Variants in TRABD2B observed in about 807,000 individuals in gnomAD.
The protein encoded by TRABD2B is TraB domain containing 2B.
TRABD2B carries 14 observed loss-of-function variants against 40.1 expected under a neutral mutation model. That is an observed-to-expected ratio of 0.35 (90% CI 0.23 to 0.55). The LOEUF is 0.55. Ranked by LOEUF, TRABD2B falls within the 20% of genes least tolerant of loss-of-function variation. TRABD2B has a pLI of 0.90. For synonymous variants in TRABD2B, 263 were observed against 277.0 expected (o/e 0.95, Z 0.50); for missense variants, 541 against 648.6 (o/e 0.83, Z 1.80).
At chr1:47,956,256 A>G (rs1166004134) in intron 2 of TRABD2B, among the ~76,000 whole-genome samples, 1 of 152,230 alleles carries the variant, frequency 6.6e-6, no homozygotes, top group Non-Finnish European at 1.5e-5. Context: ...AAGATGGCCA[A>G]ATAGGAACAG....
chr1:47,912,072 T>C (rs1231438455), intron 2 of TRABD2B, among the ~76,000 whole-genome samples: 10 of 152,292 alleles, frequency 6.6e-5, no homozygotes, highest in Non-Finnish European at 1.5e-5. Flanking sequence ...TCTTTGCATC[T>C]CTTGGAGGAG....
chr1:47,770,427 C>A (rs1422181754), intron 6 of TRABD2B, among the ~76,000 whole-genome samples: 1 of 152,214 alleles, frequency 6.6e-6, no homozygotes, highest in Non-Finnish European at 1.5e-5. Context: ...GCTGGGAATG[C>A]CTTCACGCTT....
chr1:47,966,156 G>A (rs1645599602), intron 2 of TRABD2B, among the ~76,000 whole-genome samples: 1 of 152,150 alleles, frequency 6.6e-6, no homozygotes, highest in South Asian at 2.1e-4. Flanking sequence ...GGAGGTGGCA[G>A]GGCTGTGTGT....
chr1:47,849,383 A>G (rs1201669671), intron 2 of TRABD2B, among the ~76,000 whole-genome samples: 2 of 152,208 alleles, frequency 1.3e-5, no homozygotes, highest in Admixed American at 1.3e-4. Context: ...GAGGAAACCA[A>G]TGCTGGCAGC....
chr1:47,806,153 G>C (rs961981918), intron 2 of TRABD2B, among the ~76,000 whole-genome samples: 1 of 152,190 alleles, frequency 6.6e-6, no homozygotes, highest in African/African-American at 2.4e-5. Flanking sequence ...CAGCATCCTT[G>C]GTGCTTCCAA....
intron 2 of TRABD2B, among the ~76,000 whole-genome samples, chr1:47,857,310 C>T (rs893735275): frequency 6.6e-6 from 1 of 152,188 alleles, no homozygotes; most frequent in African/African-American, 2.4e-5. Flanking sequence ...GAGCTTGCTG[C>T]CTGAGCTCTC....
At chr1:47,969,332 G>A (rs1645648028) in intron 2 of TRABD2B, among the ~76,000 whole-genome samples, 1 of 152,184 alleles carries the variant, frequency 6.6e-6, no homozygotes, top group Non-Finnish European at 1.5e-5. Context: ...TTAAAAAGCT[G>A]GCATTCTCTA....
intron 2 of TRABD2B, among the ~76,000 whole-genome samples, chr1:47,887,157 A>G (rs1305161355): frequency 2.0e-5 from 3 of 152,214 alleles, no homozygotes; most frequent in Non-Finnish European, 4.4e-5. Context: ...CAGGCCAAAC[A>G]CATTACATGT....
chr1:47,997,348 C>G lies in TRABD2B; in HGVS notation c.-559G>C. ...CGGCCGCGCGGCCGCTGCCCGGGCT[C>G]CGCCATGCTGCTCCGCGGCCGGGAG... On this transcript the variant is annotated 5_prime_UTR_variant, in exon 1 of 7. Transcript: ENST00000606738. The G allele has an allele frequency of 3.0e-6, 1 of 328,052 alleles. No individual in the cohort carries two copies. 20.3% of individuals were successfully genotyped at this position (328,052 alleles called of 1,614,324 possible). A position where few individuals can be genotyped will look rare whatever the true frequency, so the allele number is the denominator to read the frequency against.
chr1:47,771,682 T>C (rs139091572), intron 6 of TRABD2B, among the ~76,000 whole-genome samples: 60 of 152,344 alleles, frequency 3.9e-4, no homozygotes, highest in African/African-American at 7.9e-4. Flanking sequence ...AGCCCTGCCC[T>C]TCCCCCAAGC....
At position 47,974,830 on chromosome 1, in the gene TRABD2B, T is replaced by C. The variant is rs192485823; in HGVS notation, c.666+19204A>G. On this transcript the variant is annotated intron_variant, in intron 2 of 6. Transcript: ENST00000606738. ...ACTTCATCCAGGTGATCAAGGTTAA[T>C]ATCAACAGTAATAAGTCATGTTGCT... is the stretch of plus-strand genomic sequence containing the variant. Among the ~76,000 whole-genome samples the C allele has an allele frequency of 2.5e-3, 382 of 152,340 alleles. 2 individuals carry two copies. Among genetic ancestry groups the C allele is most frequent in the African/African-American group, 8.9e-3 (368 of 41,576 alleles).
chr1:47,791,165 C>T (rs943491798), intron 4 of TRABD2B, among the ~76,000 whole-genome samples: 1 of 152,216 alleles, frequency 6.6e-6, no homozygotes, highest in Non-Finnish European at 1.5e-5. Flanking sequence ...GGGTTGGGTC[C>T]TAACAAGCAC....
At chr1:47,978,632 C>T (rs1017749009) in intron 2 of TRABD2B, among the ~76,000 whole-genome samples, 1 of 152,132 alleles carries the variant, frequency 6.6e-6, no homozygotes, top group Non-Finnish European at 1.5e-5. Context: ...TGTGTTCCTA[C>T]GAAATGCCTT....
At chr1:47,962,216 G>T (rs1045693126) in intron 2 of TRABD2B, among the ~76,000 whole-genome samples, 1 of 151,790 alleles carries the variant, frequency 6.6e-6, no homozygotes, top group African/African-American at 2.4e-5. Flanking sequence ...CCTGTTGTGG[G>T]GTGGGGGGAT....
chr1:47,996,727 C>A lies in TRABD2B; in HGVS notation c.63G>T (p.Pro21=). Residue 21 remains proline, a synonymous_variant, in exon 1 of 7, where the codon CCG becomes CCT. Transcript: ENST00000606738. This position sits in a 1 kb window ranked among gnomAD's most constrained non-coding sequence, Gnocchi z 4.6. ...AALLATARAR[P]QPPDGGQCRP... ...GGCACTGTCCTCCGTCCGGGGGCTG[C>A]GGGCGGGCGCGAGCGGTGGCGAGGA... 3.3e-6 allele frequency: 4 copies of A among 1,226,832 alleles called. No homozygotes were observed. Among genetic ancestry groups the A allele is most frequent in the Non-Finnish European group, 4.1e-6 (4 of 983,928 alleles). 76.0% of individuals were successfully genotyped at this position (1,226,832 alleles called of 1,614,324 possible). A position where few individuals can be genotyped will look rare whatever the true frequency, so the allele number is the denominator to read the frequency against.
chr1:47,838,200 C>T (rs1475877072), intron 2 of TRABD2B, among the ~76,000 whole-genome samples: 1 of 152,236 alleles, frequency 6.6e-6, no homozygotes, highest in Non-Finnish European at 1.5e-5. Flanking sequence ...CTTTGTCAGA[C>T]ACATCCATGG....
chr1:47,924,383 T>C (rs917645551), intron 2 of TRABD2B, among the ~76,000 whole-genome samples: 1 of 152,176 alleles, frequency 6.6e-6, no homozygotes, highest in African/African-American at 2.4e-5. Context: ...TGAAAAGCTC[T>C]TCTCCCCAGC....
intron 2 of TRABD2B, among the ~76,000 whole-genome samples, chr1:47,876,604 T>C (rs1007146603): frequency 2.0e-5 from 3 of 152,186 alleles, no homozygotes; most frequent in Non-Finnish European, 2.9e-5. Context: ...TACAGGTTCA[T>C]GGAGAAGGAA....
At chr1:47,934,224 G>A (rs1477206006) in intron 2 of TRABD2B, among the ~76,000 whole-genome samples, 1 of 152,242 alleles carries the variant, frequency 6.6e-6, no homozygotes, top group Admixed American at 6.5e-5. Flanking sequence ...AGACTGCACA[G>A]CAGGTCCCTG....
Sources: allele counts gnomAD v4.1 joint callset (sites outside exome capture counted in the v4.1 genomes callset), GRCh38; gene constraint gnomAD v4.1.1; non-coding constraint Gnocchi (gnomAD v3.1); transcripts MANE v1.5; gene names NCBI Gene and HGNC (gene_info 2026-07-23, HGNC 2026-07-21).